The following PDXK variants were observed in gnomAD, a reference collection of about 807,000 sequenced individuals.
PDXK encodes pyridoxal kinase, also known as epididymis secretory sperm binding protein Li 1a.
In PDXK, 15 loss-of-function variants were observed where a neutral mutation model predicts 43.2. That is an observed-to-expected ratio of 0.35 (90% CI 0.23 to 0.53). PDXK has a LOEUF of 0.53. Ranked by LOEUF, PDXK falls within the 20% of genes least tolerant of loss-of-function variation. The pLI, the probability that PDXK is intolerant of heterozygous loss-of-function variation, is 0.92. For synonymous variants in PDXK, 172 were observed against 165.4 expected, an observed-to-expected ratio of 1.04 and a Z score of -0.31; for missense variants, 343 against 417.0, an observed-to-expected ratio of 0.82 and a Z score of 1.54.
At position 43,719,635 on chromosome 21, in the gene PDXK, G is replaced by GCCC. The variant is rs559964814; in HGVS notation, c.87+255_87+257dup. 492 of 985,440 alleles carry GCCC rather than the reference G, an allele frequency of 5.0e-4. 1 individual carries two copies. The African/African-American group carries it at 7.9e-3, about 16-fold the overall frequency. 61.0% of individuals were successfully genotyped at this position (985,440 alleles called of 1,614,324 possible). A position where few individuals can be genotyped will look rare whatever the true frequency, so the allele number is the denominator to read the frequency against. ...CGTCGGGGTACGCGGGTAGGAGGGA[G>GCCC]CCCTGTGCACCAGCTATGGCGCAGC... On this transcript the variant is annotated intron_variant, in intron 1 of 10. Coordinates refer to ENST00000291565, the MANE Select transcript of PDXK (RefSeq NM_003681.5).
intron 7 of PDXK, 26 bp downstream of exon 7, chr21:43,750,571 CG>C: frequency 6.3e-7 from 1 of 1,592,730 alleles, no homozygotes; most frequent in Non-Finnish European, 8.6e-7. Flanking sequence ...GGGGCCTGTG[CG>C]GGGCACATGT....
chr21:43,721,046 T>C (rs2083202840), intron 1 of PDXK, among the ~76,000 whole-genome samples: 1 of 152,200 alleles, frequency 6.6e-6, no homozygotes, highest in African/African-American at 2.4e-5. Flanking sequence ...GTCTCCCCAG[T>C]GCACGGCATC....
intron 1 of PDXK, among the ~76,000 whole-genome samples, chr21:43,729,873 G>A (rs556656855): frequency 6.6e-6 from 1 of 152,252 alleles, no homozygotes; most frequent in South Asian, 2.1e-4. Context: ...GAGCCCAGGA[G>A]GGAGAGGTTG....
chr21:43,724,295 G>T (rs2083232351), intron 1 of PDXK, among the ~76,000 whole-genome samples: 1 of 152,164 alleles, frequency 6.6e-6, no homozygotes, highest in South Asian at 2.1e-4. Context: ...AACCCTGGAT[G>T]TCAGCACCTG....
At chr21:43,736,614 C>G (rs2083406816) in intron 2 of PDXK, among the ~76,000 whole-genome samples, 1 of 149,224 alleles carries the variant, frequency 6.7e-6, no homozygotes, top group Non-Finnish European at 1.5e-5. Context: ...CCAGGGTTTT[C>G]CTTTTCCTTT....
Position 43,753,762 on chromosome 21 carries a change from C to T in PDXK, c.759+43C>T, listed in dbSNP as rs1410610656. 5 of 1,573,570 alleles carry T rather than the reference C, an allele frequency of 3.2e-6. No individual in the cohort carries two copies. In the South Asian group the frequency reaches 5.9e-5, roughly 19 times the overall value. ...CTCCCCTCCTCGCCCACTCCCACGG[C>T]ACCTCATGGGGAGCAGGATATGAGA... On this transcript the variant is annotated intron_variant, in intron 9 of 10. Transcript: ENST00000291565.
chr21:43,730,462 G>A (rs75942429), intron 1 of PDXK, among the ~76,000 whole-genome samples: 1,674 of 152,142 alleles, frequency 0.011, 33 homozygotes, highest in African/African-American at 0.038. Flanking sequence ...GCCAAGCTCC[G>A]TGGTGTGAAT....
intron 6 of PDXK, 23 bp from the exon 7 acceptor site, chr21:43,750,477 G>A (rs562352527): frequency 1.8e-5 from 29 of 1,601,598 alleles, no homozygotes; most frequent in Admixed American, 1.0e-4. Context: ...GTCCCCACCC[G>A]CCTGTCCCCG....
In PDXK at chr21:43,735,271, G is replaced by A. The variant is rs1286370823; in HGVS notation, c.142+1148G>A. On this transcript the variant is annotated intron_variant, in intron 2 of 10. Transcript: ENST00000291565. This position sits in a 1 kb window ranked among gnomAD's most constrained non-coding sequence, Gnocchi z 5.3. Reference sequence around the variant, plus strand: ...ATCCTCCTTTAGGATTTATTTTTCAGTGAGTGAGCTGGCCGGCTTGGACAC... The same window carrying A: ...ATCCTCCTTTAGGATTTATTTTTCAATGAGTGAGCTGGCCGGCTTGGACAC... Among the ~76,000 whole-genome samples the A allele has an allele frequency of 3.3e-5, 5 of 152,236 alleles. No individual in the cohort carries two copies. The South Asian group carries it at 6.2e-4, about 19-fold the overall frequency.
rs765054556 is a variant in PDXK at position 43,761,089 on chromosome 21, G to C, written c.*5026G>C. The stretch of plus-strand genomic sequence containing the variant: ...TTCCTGGAATTTTTCTTTCGATTCT[G>C]GCAGAATAAACAGGTGTTTTTAGTT... On this transcript the variant is annotated 3_prime_UTR_variant, in exon 11 of 11. Transcript: ENST00000291565. 6.6e-6 allele frequency: 1 copy of C among 152,148 alleles called. No individual in the cohort carries two copies. Among genetic ancestry groups the C allele is most frequent in the Non-Finnish European group, 1.5e-5 (1 of 68,044 alleles). 9.4% of individuals were successfully genotyped at this position (152,148 alleles called of 1,614,324 possible). A position where few individuals can be genotyped will look rare whatever the true frequency, so the allele number is the denominator to read the frequency against.
chr21:43,727,069 C>T (rs2083261961), intron 1 of PDXK, among the ~76,000 whole-genome samples: 1 of 152,146 alleles, frequency 6.6e-6, no homozygotes, highest in Non-Finnish European at 1.5e-5. Context: ...TGACTTCCTT[C>T]CTAGGAGGCT....
chr21:43,750,152 A>G (rs528110962), intron 6 of PDXK, among the ~76,000 whole-genome samples: 31 of 152,326 alleles, frequency 2.0e-4, no homozygotes, highest in Non-Finnish European at 4.1e-4. Flanking sequence ...TGCGTGCATT[A>G]ATCGCTAGCG....
intron 1 of PDXK, chr21:43,719,865 G>A (rs1448267334): frequency 1.0e-6 from 1 of 985,368 alleles, no homozygotes; most frequent in African/African-American, 1.7e-5. Flanking sequence ...CCTGTGCGTG[G>A]GGAAGTCAGG....
In PDXK at chr21:43,732,807, G is replaced by A. The variant is rs1480182680; in HGVS notation, c.88-1262G>A. Among the ~76,000 whole-genome samples, 1 of 152,064 alleles carries A rather than the reference G, an allele frequency of 6.6e-6. No homozygotes were observed. Among genetic ancestry groups the A allele is most frequent in the Non-Finnish European group, 1.5e-5 (1 of 68,016 alleles). On this transcript the variant is annotated intron_variant, in intron 1 of 10. Coordinates refer to ENST00000291565, the MANE Select transcript of PDXK (RefSeq NM_003681.5). This position sits in a 1 kb window ranked among gnomAD's most constrained non-coding sequence, Gnocchi z 4.1. ...CCGTCACCCAGGCTAGAGTGCAGTGGTGCCATCAGGGCTCACTGCAGCCTC... is the reference window on the plus strand; with the variant it reads ...CCGTCACCCAGGCTAGAGTGCAGTGATGCCATCAGGGCTCACTGCAGCCTC...
chr21:43,720,389 C>T (rs1055924582), intron 1 of PDXK, among the ~76,000 whole-genome samples: 3 of 152,064 alleles, frequency 2.0e-5, no homozygotes, highest in Non-Finnish European at 4.4e-5. Context: ...TGCGGGCTGG[C>T]CTGGGAGGAG....
In PDXK at chr21:43,751,108, A is replaced by G. The variant is rs371946578; in HGVS notation, c.510+563A>G. On this transcript the variant is annotated intron_variant, in intron 7 of 10. Coordinates refer to ENST00000291565, the MANE Select transcript of PDXK (RefSeq NM_003681.5). ...GGAGGCTGGACACAGGAGCAGATGC[A>G]GCAGCCCAAGGTGCAGTTTCTTCAA... 2.2e-3 allele frequency among the ~76,000 whole-genome samples: 328 copies of G among 152,342 alleles called. 5 individuals are homozygous for G. The highest frequency in any genetic ancestry group is 7.6e-3 in the African/African-American group (316 of 41,584).
rs1484996114 is a variant in PDXK at position 43,732,509 on chromosome 21, T to G, written c.88-1560T>G. ...CGTGCTCTCATTTAAAAGCAGAAAA[T>G]AGCGACTTCATTCTCGGATACGTTT... On this transcript the variant is annotated intron_variant, in intron 1 of 10. Coordinates refer to ENST00000291565, the MANE Select transcript of PDXK (RefSeq NM_003681.5). This position sits in a 1 kb window ranked among gnomAD's most constrained non-coding sequence, Gnocchi z 4.1. 1.4e-6 allele frequency: 2 copies of G among 1,393,456 alleles called. No homozygotes were observed. Among genetic ancestry groups the G allele is most frequent in the Admixed American group, 3.3e-5 (2 of 59,780 alleles). The allele number at this position is 1,393,456 out of a possible 1,614,324, so 86.3% of individuals were successfully genotyped here.
chr21:43,738,512 G>A (rs1298750454), intron 2 of PDXK: 2 of 152,242 alleles, frequency 1.3e-5, no homozygotes, highest in Non-Finnish European at 2.9e-5. Context: ...ACAATAAGTT[G>A]TGGAAAGCCA....
intron 1 of PDXK, among the ~76,000 whole-genome samples, chr21:43,724,840 C>CAA (rs553153040): frequency 0.1 from 11,612 of 111,254 alleles, 546 homozygotes; most frequent in Middle Eastern, 0.18. Flanking sequence ...GACCCTGTCT[C>CAA]AAAAAAAAAA....
Sources: allele counts gnomAD v4.1 joint callset (sites outside exome capture counted in the v4.1 genomes callset), GRCh38; gene constraint gnomAD v4.1.1; non-coding constraint Gnocchi (gnomAD v3.1); transcripts MANE v1.5; gene names NCBI Gene and HGNC (gene_info 2026-07-23, HGNC 2026-07-21).